Variants in KDM5B observed in about 807,000 individuals in gnomAD.
KDM5B encodes the protein lysine-specific demethylase 5B.
In KDM5B, 144 loss-of-function variants were observed where a neutral mutation model predicts 193.4. The ratio of observed to expected loss-of-function variants is 0.74; its 90% confidence interval spans 0.65 to 0.86. The LOEUF (loss-of-function observed/expected upper bound fraction) is 0.86, where lower values mean the gene tolerates loss of function less well. Among genes scored for constraint, KDM5B ranks in the 40% least tolerant of loss-of-function variants. The probability of loss-of-function intolerance (pLI) is 0.00; values close to 1 mark genes in which losing one functional copy is unlikely to be tolerated. For synonymous variants in KDM5B, 668 were observed against 682.6 expected (o/e 0.98, Z 0.33); for missense variants, 1,833 against 1,886.9 (o/e 0.97, Z 0.53).
At chr1:202,770,612 C>T (rs939372044) in intron 4 of KDM5B, among the ~76,000 whole-genome samples, 4 of 152,126 alleles carry the variant, frequency 2.6e-5, no homozygotes, top group Admixed American at 6.5e-5. Context: ...CTATAAAAAA[C>T]GGATTGCCGC....
intron 1 of KDM5B, among the ~76,000 whole-genome samples, chr1:202,802,880 A>C (rs1455534686): frequency 6.6e-6 from 1 of 152,232 alleles, no homozygotes; most frequent in Non-Finnish European, 1.5e-5. Context: ...AAGGTTTAAT[A>C]ATTTTCTCTT....
intron 2 of KDM5B, among the ~76,000 whole-genome samples, chr1:202,775,129 CAG>C (rs1446887307): frequency 1.3e-5 from 2 of 151,242 alleles, no homozygotes; most frequent in African/African-American, 4.9e-5. Flanking sequence ...CCCAGCTACT[CAG>C]GAGGCTGAGG....
rs1654624033 is a variant in KDM5B at position 202,724,904 on chromosome 1, G to C, written c.*4132C>G. The C allele has an allele frequency of 6.6e-6, 1 of 152,152 alleles. No homozygotes were observed. The highest frequency in any genetic ancestry group is 2.1e-4 in the South Asian group (1 of 4,822). 9.4% of individuals were successfully genotyped at this position (152,152 alleles called of 1,614,324 possible). ...TTTGGTGTTTAGAGGGGTGCCTTTG[G>C]ACATTTATTTTAAATAGAGAAAATA... On this transcript the variant is annotated 3_prime_UTR_variant, in exon 27 of 27. Coordinates refer to ENST00000367265, the MANE Select transcript of KDM5B (RefSeq NM_006618.5).
chr1:202,774,496 G>GA (rs1281579839), intron 3 of KDM5B, 117 bp downstream of exon 3: 1 of 869,356 alleles, frequency 1.2e-6, no homozygotes. Context: ...CCAAAGTGCT[G>GA]AGATTACAGG....
chr1:202,768,674 A>G (rs1656574926), intron 4 of KDM5B, among the ~76,000 whole-genome samples: 1 of 151,586 alleles, frequency 6.6e-6, no homozygotes, highest in South Asian at 2.1e-4. Context: ...TGCTCATTCT[A>G]CTTAAACCTA....
chr1:202,794,264 A>T (rs1389575374), intron 1 of KDM5B, among the ~76,000 whole-genome samples: 5 of 152,184 alleles, frequency 3.3e-5, no homozygotes, highest in Non-Finnish European at 7.3e-5. Context: ...AATTGGGAGG[A>T]TCCTGCCTTA....
chr1:202,804,605 T>TAA (rs1658208633), intron 1 of KDM5B, among the ~76,000 whole-genome samples: 1 of 152,196 alleles, frequency 6.6e-6, no homozygotes, highest in African/African-American at 2.4e-5. Flanking sequence ...CACTTGGCTA[T>TAA]AAAGATGAAG....
At chr1:202,802,018 C>G (rs1379657385) in intron 1 of KDM5B, among the ~76,000 whole-genome samples, 1 of 150,714 alleles carries the variant, frequency 6.6e-6, no homozygotes, top group African/African-American at 2.4e-5. Context: ...TGTACTATAA[C>G]AGGTATATTA....
rs1256297944 is a variant in KDM5B at position 202,726,137 on chromosome 1, G to T, written c.*2899C>A. 6.6e-6 allele frequency: 1 copy of T among 152,100 alleles called. No homozygotes were observed. The highest frequency in any genetic ancestry group is 1.5e-5 in the Non-Finnish European group (1 of 68,020). 9.4% of individuals were successfully genotyped at this position (152,100 alleles called of 1,614,324 possible). A position where few individuals can be genotyped will look rare whatever the true frequency, so the allele number is the denominator to read the frequency against. ...AAGGGCCATGTTGCTTTTGATGGTGGGTATAATGGCAAATCAGGTGCATTT... is the reference window on the plus strand; with the variant it reads ...AAGGGCCATGTTGCTTTTGATGGTGTGTATAATGGCAAATCAGGTGCATTT... On this transcript the variant is annotated 3_prime_UTR_variant, in exon 27 of 27. Transcript: ENST00000367265.
Position 202,756,430 on chromosome 1 carries a change from G to A in KDM5B, c.1284C>T (p.Asp428=). 4 of 1,613,684 alleles carry A rather than the reference G, an allele frequency of 2.5e-6. No homozygotes were observed. Among genetic ancestry groups the A allele is most frequent in the Non-Finnish European group, 3.4e-6 (4 of 1,179,728 alleles). ...EEDVTVEYGA[D]IASKEFGSGF... ...CACTGCCAAATTCCTTTGAGGCAAT[G>A]TCAGCTCCATATTCCACTGTGACAT... is the stretch of plus-strand genomic sequence containing the variant. The change falls in exon 10 of 27, where the codon GAC becomes GAT. Residue 428 remains aspartate, a synonymous_variant. Coordinates refer to ENST00000367265, the MANE Select transcript of KDM5B (RefSeq NM_006618.5).
At chr1:202,729,323 T>G in intron 26 of KDM5B, 150 bp from the exon 27 acceptor site, 5 of 794,812 alleles carry the variant, frequency 6.3e-6, no homozygotes, top group Non-Finnish European at 6.0e-6. Context: ...GCCAAATGAG[T>G]GTAGCTGGCC....
Position 202,736,281 on chromosome 1 carries a change from C to G in KDM5B, c.3196G>C (p.Val1066Leu). ...ACAGCACATTCTTTCCAAGCCTGAA[C>G]CTCAGCTACTAGGGTTTCCAGTCTT... Reference protein sequence around the residue: ...LPRLETLVAEVQAWKECAVNT... With the variant: ...LPRLETLVAELQAWKECAVNT... Residue 1066 changes from valine (V) to leucine (L), a missense_variant, in exon 21 of 27, where the codon GTT becomes CTT. Around this residue, in one of 3 missense-constraint regions of KDM5B, gnomAD observed 1,379 missense variants for 1,349.6 expected, o/e 1.02. Coordinates refer to ENST00000367265, the MANE Select transcript of KDM5B (RefSeq NM_006618.5). 6.2e-7 allele frequency: 1 copy of G among 1,612,486 alleles called. No individual in the cohort carries two copies. Among genetic ancestry groups the G allele is most frequent in the Non-Finnish European group, 8.5e-7 (1 of 1,179,278 alleles).
intron 1 of KDM5B, among the ~76,000 whole-genome samples, chr1:202,781,362 T>C (rs1657190327): frequency 6.6e-6 from 1 of 152,176 alleles, no homozygotes; most frequent in South Asian, 2.1e-4. Context: ...TCAATAAAAA[T>C]GCCCGCCGGT....
intron 14 of KDM5B, among the ~76,000 whole-genome samples, chr1:202,748,535 AATAC>A (rs902196568): frequency 4.0e-5 from 6 of 151,626 alleles, no homozygotes; most frequent in African/African-American, 1.5e-4. Context: ...TGGTATGCAG[AATAC>A]ATAAAGAATT....
At chr1:202,787,110 G>A (rs10920480) in intron 1 of KDM5B, among the ~76,000 whole-genome samples, 93,377 of 151,896 alleles carry the variant, frequency 0.61, 31,597 homozygotes, top group Middle Eastern at 0.77. Context: ...TCAAACTCCC[G>A]GGCTCATGCA....
At chr1:202,807,926 G>A (rs895840068) in intron 1 of KDM5B, among the ~76,000 whole-genome samples, 176 bp downstream of exon 1, 1 of 151,832 alleles carries the variant, frequency 6.6e-6, no homozygotes, top group Admixed American at 6.6e-5. Flanking sequence ...CCACCCTGGA[G>A]AAGCCCCCGT....
chr1:202,742,091 G>T (rs1359342778), intron 18 of KDM5B, among the ~76,000 whole-genome samples: 2 of 151,936 alleles, frequency 1.3e-5, no homozygotes, highest in African/African-American at 2.4e-5. Flanking sequence ...GGTCAGGCTG[G>T]TCTTGAACTC....
chr1:202,808,052 C>CG, intron 1 of KDM5B, 50 bp downstream of exon 1: 1 of 1,586,818 alleles, frequency 6.3e-7, no homozygotes, highest in Non-Finnish European at 8.6e-7. Flanking sequence ...CGCGCGTCCC[C>CG]GCTCCCTCCC....
chr1:202,798,026 T>C (rs1195688998), intron 1 of KDM5B, among the ~76,000 whole-genome samples: 2 of 152,086 alleles, frequency 1.3e-5, no homozygotes, highest in African/African-American at 4.8e-5. Flanking sequence ...CCCGTCTCTA[T>C]TAAAATAAAT....
Sources: allele counts gnomAD v4.1 joint callset (sites outside exome capture counted in the v4.1 genomes callset), GRCh38; gene constraint gnomAD v4.1.1; regional missense constraint gnomAD v4.1.1; transcripts MANE v1.5; gene names NCBI Gene and HGNC (gene_info 2026-07-23, HGNC 2026-07-21).